The following CNTLN variants were observed in gnomAD, a reference collection of about 807,000 sequenced individuals.
CNTLN encodes the protein centlein, centrosomal protein.
Under a neutral mutation model 180.0 loss-of-function variants are expected in CNTLN, and 212 were observed. That is an observed-to-expected ratio of 1.18 (90% CI 1.05 to 1.32). CNTLN has a LOEUF of 1.32. Ranked by LOEUF, CNTLN falls within the 40% of genes most tolerant of loss-of-function variation. The pLI is 0.00. For missense variants in CNTLN, 2,095 were observed against 1,610.9 expected, an observed-to-expected ratio of 1.30 and a Z score of -5.14; for synonymous variants, 722 against 563.1, an observed-to-expected ratio of 1.28 and a Z score of -3.99.
intron 2 of CNTLN, among the ~76,000 whole-genome samples, chr9:17,148,065 T>C (rs1480758751): frequency 6.6e-6 from 1 of 152,190 alleles, no homozygotes; most frequent in African/African-American, 2.4e-5. Flanking sequence ...TGGAGAAATT[T>C]TAATTAGATG....
chr9:17,382,451 C>G (rs1178612991), intron 13 of CNTLN, among the ~76,000 whole-genome samples: 1 of 152,094 alleles, frequency 6.6e-6, no homozygotes, highest in African/African-American at 2.4e-5. Flanking sequence ...AAAGGGAAAA[C>G]CTTTTAGGCA....
chr9:17,137,976 T>C (rs1817835097), intron 1 of CNTLN, among the ~76,000 whole-genome samples: 1 of 152,200 alleles, frequency 6.6e-6, no homozygotes, highest in Admixed American at 6.5e-5. Context: ...AAGTGATTAA[T>C]TTCAATGAGG....
At chr9:17,282,667 A>G (rs1356090430) in intron 6 of CNTLN, among the ~76,000 whole-genome samples, 1 of 152,136 alleles carries the variant, frequency 6.6e-6, no homozygotes, top group Non-Finnish European at 1.5e-5. Context: ...GCCCGGGCCT[A>G]TATCCTGAAT....
At chr9:17,294,948 T>G (rs2132742397) in intron 6 of CNTLN, among the ~76,000 whole-genome samples, 5 of 135,522 alleles carry the variant, frequency 3.7e-5, no homozygotes, top group Non-Finnish European at 4.8e-5. Context: ...GGCTCAGGCA[T>G]GGTGGGCTGC....
chr9:17,309,265 T>C lies in CNTLN; in HGVS notation c.1341+13T>C. The C allele has an allele frequency of 6.6e-7, 1 of 1,526,388 alleles. No homozygotes were observed. The highest frequency in any genetic ancestry group is 1.3e-5 in the South Asian group (1 of 75,258). The allele number at this position is 1,526,388 out of a possible 1,614,324, so 94.6% of individuals were successfully genotyped here. A position where few individuals can be genotyped will look rare whatever the true frequency, so the allele number is the denominator to read the frequency against. On this transcript the variant is annotated intron_variant, in intron 8 of 25. Coordinates refer to ENST00000380647, the MANE Select transcript of CNTLN (RefSeq NM_017738.4). ...CTACTCAGCACAGGTGAGAGACATTTTCTAAAACTGTTATTCAGTGTAATA... is the reference window on the plus strand; with the variant it reads ...CTACTCAGCACAGGTGAGAGACATTCTCTAAAACTGTTATTCAGTGTAATA...
chr9:17,282,367 G>T (rs765716143), intron 6 of CNTLN, among the ~76,000 whole-genome samples: 47 of 152,196 alleles, frequency 3.1e-4, no homozygotes, highest in Non-Finnish European at 5.7e-4. Context: ...TGATATGTTT[G>T]TTGGCATCAT....
At chr9:17,307,782 T>C (rs1341873327) in intron 7 of CNTLN, among the ~76,000 whole-genome samples, 1 of 152,094 alleles carries the variant, frequency 6.6e-6, no homozygotes, top group Admixed American at 6.6e-5. Flanking sequence ...GGTTTCTAGA[T>C]GAACTAAAGC....
At chr9:17,255,984 T>C (rs7037408) in intron 5 of CNTLN, among the ~76,000 whole-genome samples, 33,115 of 151,850 alleles carry the variant, frequency 0.22, 4,765 homozygotes, top group African/African-American at 0.41. Flanking sequence ...TACAGTTTTG[T>C]ATTTGTTAGA....
rs1362806265 is a variant in CNTLN at position 17,503,601 on chromosome 9, GACACATTCTCTGACCAGCTTA to G, written c.*950_*970del. 6.6e-6 allele frequency: 1 copy of G among 152,334 alleles called. No individual in the cohort carries two copies. Among genetic ancestry groups the G allele is most frequent in the African/African-American group, 2.4e-5 (1 of 41,444 alleles). 9.4% of individuals were successfully genotyped at this position (152,334 alleles called of 1,614,324 possible). On this transcript the variant is annotated 3_prime_UTR_variant, in exon 26 of 26. Transcript: ENST00000380647. ...GCTCCACCTTCCCCGGTCCCTCAGAGACACATTCTCTGACCAGCTTACTATTTTATTTCCTCATAGCACAAA... is the reference window on the plus strand; with the variant it reads ...GCTCCACCTTCCCCGGTCCCTCAGAGCTATTTTATTTCCTCATAGCACAAA...
chr9:17,380,255 G>A lies in CNTLN; in HGVS notation c.1988-7907G>A, dbSNP rs73426157. On this transcript the variant is annotated intron_variant, in intron 13 of 25. Transcript: ENST00000380647. ...GAGGCATTGGGGGAGGGTATGGGAG[G>A]ATGGTTGGGAGAGGAAAAGTATAAA... Among the ~76,000 whole-genome samples the A allele has an allele frequency of 6.8e-3, 1,028 of 152,262 alleles. 11 individuals carry two copies. Among genetic ancestry groups the A allele is most frequent in the African/African-American group, 0.023 (941 of 41,554 alleles).
intron 13 of CNTLN, among the ~76,000 whole-genome samples, chr9:17,385,871 C>A (rs1334826618): frequency 2.0e-5 from 3 of 152,056 alleles, no homozygotes; most frequent in African/African-American, 7.2e-5. Flanking sequence ...TTTAGGTATC[C>A]CAGGAAGGTC....
intron 8 of CNTLN, among the ~76,000 whole-genome samples, chr9:17,311,044 G>C (rs1819095649): frequency 6.6e-6 from 1 of 150,600 alleles, no homozygotes; most frequent in African/African-American, 2.4e-5. Flanking sequence ...TTTTTTTTGA[G>C]ACAGAGTTTT....
At chr9:17,321,784 A>G (rs1177052118) in intron 8 of CNTLN, among the ~76,000 whole-genome samples, 2 of 152,086 alleles carry the variant, frequency 1.3e-5, no homozygotes. Context: ...AGAGTTAATA[A>G]TTGGTTTGCT....
At chr9:17,297,988 G>A (rs1028432518) in intron 6 of CNTLN, among the ~76,000 whole-genome samples, 3 of 152,080 alleles carry the variant, frequency 2.0e-5, no homozygotes, top group African/African-American at 7.2e-5. Flanking sequence ...GGCTTTGAAA[G>A]TCATAGTCGT....
chr9:17,312,255 TG>T, intron 8 of CNTLN, among the ~76,000 whole-genome samples: 1 of 150,060 alleles, frequency 6.7e-6, no homozygotes, highest in East Asian at 1.9e-4. Flanking sequence ...GAAATATTTT[TG>T]TGTATGTGTG....
At chr9:17,217,647 T>G (rs1203431211) in intron 2 of CNTLN, among the ~76,000 whole-genome samples, 1 of 152,240 alleles carries the variant, frequency 6.6e-6, no homozygotes, top group Non-Finnish European at 1.5e-5. Context: ...AACTTCTAGA[T>G]TCTGGGTGAA....
At chr9:17,478,080 C>A (rs1832448339) in intron 23 of CNTLN, among the ~76,000 whole-genome samples, 1 of 152,176 alleles carries the variant, frequency 6.6e-6, no homozygotes, top group Non-Finnish European at 1.5e-5. Flanking sequence ...AAAGTTTTTA[C>A]AATGTGCTGA....
intron 13 of CNTLN, among the ~76,000 whole-genome samples, chr9:17,379,260 T>G (rs1265206865): frequency 6.8e-6 from 1 of 148,120 alleles, no homozygotes; most frequent in South Asian, 2.1e-4. Flanking sequence ...CTTTTGGATG[T>G]TTTTTTTTTC....
At chr9:17,351,294 C>T (rs547284037) in intron 12 of CNTLN, among the ~76,000 whole-genome samples, 1 of 152,306 alleles carries the variant, frequency 6.6e-6, no homozygotes, top group South Asian at 2.1e-4. Context: ...TGTCATCTAT[C>T]ATCCCATGAT....
Sources: gnomAD v4.1 joint callset for allele counts (sites outside exome capture counted in the v4.1 genomes callset) on GRCh38, gnomAD v4.1.1 for gene constraint, MANE v1.5 for transcripts, NCBI Gene and HGNC (gene_info 2026-07-23, HGNC 2026-07-21) for gene names.